FAM114A2: variants seen among roughly 807,000 people sequenced by gnomAD.
FAM114A2 encodes family with sequence similarity 114 member A2, also known as protein FAM114A2.
FAM114A2 carries 53 observed loss-of-function variants against 58.4 expected under a neutral mutation model. The ratio of observed to expected loss-of-function variants is 0.91; its 90% CI spans 0.73 to 1.14. FAM114A2 has a LOEUF of 1.14. Ranked by LOEUF, FAM114A2 falls within the 50% of genes most tolerant of loss-of-function variation. The pLI, the probability that FAM114A2 is intolerant of heterozygous loss-of-function variation, is 0.00. For missense variants in FAM114A2, 601 were observed against 581.1 expected (o/e 1.03, Z -0.35); for synonymous variants, 228 against 211.4 (o/e 1.08, Z -0.68).
chr5:154,003,003 A>T lies in FAM114A2; in HGVS notation c.994-34T>A, dbSNP rs781363649. 2.2e-5 allele frequency: 35 copies of T among 1,608,754 alleles called. No homozygotes were observed. The Admixed American group carries it at 5.7e-4, about 26-fold the overall frequency. On this transcript the variant is annotated intron_variant, in intron 9 of 13. Transcript: ENST00000351797. Reference sequence around the variant, plus strand: ...GAAAAATATTGGCCATCAACAATTCAATTCAGTTTACCAAAATTACTGTGC... The same window carrying T: ...GAAAAATATTGGCCATCAACAATTCTATTCAGTTTACCAAAATTACTGTGC...
intron 13 of FAM114A2, among the ~76,000 whole-genome samples, 200 bp from the exon 14 acceptor site, chr5:153,993,310 A>G (rs1025359824): frequency 6.6e-6 from 1 of 152,054 alleles, no homozygotes; most frequent in South Asian, 2.1e-4. Flanking sequence ...ATGAGCACCA[A>G]AAGAGAATGT....
At chr5:154,020,326 C>CA (rs146385665) in intron 8 of FAM114A2, among the ~76,000 whole-genome samples, 93,268 of 151,776 alleles carry the variant, frequency 0.61, 29,169 homozygotes, top group East Asian at 0.87. Flanking sequence ...GATAGAGACA[C>CA]AAAAAAACCC....
chr5:153,993,000 G>A lies in FAM114A2; in HGVS notation c.1494C>T (p.Gly498=). 1.2e-6 allele frequency: 2 copies of A among 1,611,582 alleles called. No homozygotes were observed. The highest frequency in any genetic ancestry group is 1.7e-6 in the Non-Finnish European group (2 of 1,178,406). Residue 498 remains glycine, a synonymous_variant, in exon 14 of 14, where the codon GGC becomes GGT. Transcript: ENST00000351797. ...KIESHRHELQ[G]QKPLLEH ...TTCAATGTTCTAACAAAGGTTTCTG[G>A]CCCTGCAGCTCATGTCTGTGTGATT...
At chr5:154,006,135 A>C (rs1030087484) in intron 9 of FAM114A2, among the ~76,000 whole-genome samples, 1 of 152,226 alleles carries the variant, frequency 6.6e-6, no homozygotes. Flanking sequence ...AGAAAAATGC[A>C]AAGTGTGTAG....
intron 9 of FAM114A2, among the ~76,000 whole-genome samples, chr5:154,006,773 TA>T (rs201815264): frequency 0.011 from 1,704 of 149,942 alleles, 43 homozygotes; most frequent in African/African-American, 0.039. Context: ...ACGGATACCA[TA>T]AATTTAATAT....
chr5:153,999,166 A>G (rs781693459), intron 11 of FAM114A2, among the ~76,000 whole-genome samples: 1 of 152,192 alleles, frequency 6.6e-6, no homozygotes, highest in Non-Finnish European at 1.5e-5. Context: ...AGAAAATCTC[A>G]TTAAAAAATG....
chr5:154,027,202 T>C lies in FAM114A2; in HGVS notation c.763A>G (p.Met255Val). ...TTTATTTCACTTTCTTGGGAAAGCA[T>C]CTCCAGAGCTTCTAGATGTGAAAGG... ...QGLSHLEALE[M>V]LSQESEIKVK... Residue 255 changes from methionine (M) to valine (V), a missense_variant, in exon 7 of 14, where the codon ATG becomes GTG. Met to Val is a conservative substitution (Grantham distance 21). Transcript: ENST00000351797. 1 of 1,611,030 alleles carries C rather than the reference T, an allele frequency of 6.2e-7. No individual in the cohort carries two copies. The highest frequency in any genetic ancestry group is 1.7e-5 in the Admixed American group (1 of 59,244).
chr5:154,032,349 C>G (rs1772258403), intron 4 of FAM114A2, among the ~76,000 whole-genome samples: 1 of 152,214 alleles, frequency 6.6e-6, no homozygotes. Flanking sequence ...TTCACACTAT[C>G]TAGCTGACTC....
chr5:153,997,841 G>T lies in FAM114A2; in HGVS notation c.1291C>A (p.Leu431Met). 1 of 1,605,008 alleles carries T rather than the reference G, an allele frequency of 6.2e-7. No individual in the cohort carries two copies. Among genetic ancestry groups the T allele is most frequent in the Non-Finnish European group, 8.5e-7 (1 of 1,172,024 alleles). Reference sequence around the variant, plus strand: ...AGGCAGGTAGTGAACTCTTTAGACAGAGAGGACAACTCTTTACACAACACA... The same window carrying T: ...AGGCAGGTAGTGAACTCTTTAGACATAGAGGACAACTCTTTACACAACACA... ...TIVLCKELSS[L>M]SKEFTTCLTT... Residue 431 changes from leucine to methionine, a missense_variant, in exon 12 of 14, where the codon CTG becomes ATG. Coordinates refer to ENST00000351797, the MANE Select transcript of FAM114A2 (RefSeq NM_018691.4).
chr5:154,024,759 A>G (rs1771669839), intron 8 of FAM114A2, among the ~76,000 whole-genome samples: 1 of 152,182 alleles, frequency 6.6e-6, no homozygotes, highest in African/African-American at 2.4e-5. Context: ...TCTTTTACCC[A>G]TGGTGATTTG....
intron 11 of FAM114A2, among the ~76,000 whole-genome samples, chr5:153,999,924 CGTGT>C (rs1491143576): frequency 6.6e-6 from 1 of 151,174 alleles, no homozygotes; most frequent in Non-Finnish European, 1.5e-5. Flanking sequence ...GGTGTGTATG[CGTGT>C]GTGTGTATAT....
chr5:154,011,095 G>A, intron 9 of FAM114A2, 146 bp downstream of exon 9: 1 of 604,204 alleles, frequency 1.7e-6, no homozygotes, highest in Non-Finnish European at 2.9e-6. Context: ...CAGAAGGCAA[G>A]TAGATGCAGA....
chr5:154,015,028 C>CA (rs1770943747), intron 8 of FAM114A2, among the ~76,000 whole-genome samples: 1 of 152,082 alleles, frequency 6.6e-6, no homozygotes, highest in Non-Finnish European at 1.5e-5. Context: ...GCTGGCTTTC[C>CA]CCCACTTCCC....
chr5:154,002,495 G>A (rs2113233908), intron 10 of FAM114A2, 105 bp from the exon 11 acceptor site: 1 of 1,210,978 alleles, frequency 8.3e-7, no homozygotes, highest in Non-Finnish European at 1.2e-6. Flanking sequence ...ACTAATAGTT[G>A]CCTTCCAATA....
At chr5:154,022,412 T>C (rs1581814240) in intron 8 of FAM114A2, among the ~76,000 whole-genome samples, 1 of 151,876 alleles carries the variant, frequency 6.6e-6, no homozygotes, top group Non-Finnish European at 1.5e-5. Flanking sequence ...TATCCAGAAT[T>C]TACAAAGAAC....
At position 153,991,770 on chromosome 5, in the gene FAM114A2, T is replaced by G. The variant is rs1417259553; in HGVS notation, c.*1206A>C. On this transcript the variant is annotated 3_prime_UTR_variant, in exon 14 of 14. Transcript: ENST00000351797. ...AAGTAAATGAAAGGATCAAATAACA[T>G]GATTAATACATTTTATTACAAAGGT... 2 of 150,680 alleles carry G rather than the reference T, an allele frequency of 1.3e-5. No homozygotes were observed. The highest frequency in any genetic ancestry group is 2.9e-5 in the Non-Finnish European group (2 of 67,822). 9.3% of individuals were successfully genotyped at this position (150,680 alleles called of 1,614,324 possible).
intron 4 of FAM114A2, among the ~76,000 whole-genome samples, chr5:154,033,248 T>C (rs1772314119): frequency 6.6e-6 from 1 of 152,206 alleles, no homozygotes. Context: ...AAACCAGGCC[T>C]TGAAAAGATT....
Position 153,997,821 on chromosome 5 carries a change from G to T in FAM114A2, c.1311C>A (p.Thr437=). Residue 437 remains threonine, a synonymous_variant, in exon 12 of 14, where the codon ACC becomes ACA. Transcript: ENST00000351797. Reference sequence around the variant, plus strand: ...TTCTTACCCCAGCAGTTGTTAGGCAGGTAGTGAACTCTTTAGACAGAGAGG... The same window carrying T: ...TTCTTACCCCAGCAGTTGTTAGGCATGTAGTGAACTCTTTAGACAGAGAGG... ...ELSSLSKEFT[T]CLTTAGVKEM... 6.3e-7 allele frequency: 1 copy of T among 1,590,184 alleles called. No homozygotes were observed. Among genetic ancestry groups the T allele is most frequent in the Non-Finnish European group, 8.6e-7 (1 of 1,158,446 alleles).
Position 154,011,256 on chromosome 5 carries a change from T to C in FAM114A2, c.978A>G (p.Pro326=), listed in dbSNP as rs751964745. Residue 326 remains proline (P), a synonymous_variant, in exon 9 of 14, where the codon CCA becomes CCG. Coordinates refer to ENST00000351797, the MANE Select transcript of FAM114A2 (RefSeq NM_018691.4). Reference sequence around the variant, plus strand: ...AATAACTTACCCTGGCAAGTTTCTCTGGTTTGGAGGAAACGTGCAGCTGGG... The same window carrying C: ...AATAACTTACCCTGGCAAGTTTCTCCGGTTTGGAGGAAACGTGCAGCTGGG... ...LFSQLHVSSK[P]EKLARARNTA... The C allele has an allele frequency of 3.5e-5, 56 of 1,610,614 alleles. No homozygotes were observed. Among genetic ancestry groups the C allele is most frequent in the Non-Finnish European group, 4.4e-5 (52 of 1,177,974 alleles).
Sources: gnomAD v4.1 joint callset for allele counts (sites outside exome capture counted in the v4.1 genomes callset) on GRCh38, gnomAD v4.1.1 for gene constraint, MANE v1.5 for transcripts, NCBI Gene and HGNC (gene_info 2026-07-23, HGNC 2026-07-21) for gene names.